Variants in RAD51B observed in about 807,000 individuals in gnomAD.
RAD51B encodes RAD51 paralog B.
A neutral mutation model predicts 42.2 loss-of-function variants in RAD51B; 38 were observed. The observed-to-expected ratio is 0.90, with a 90% confidence interval of 0.70 to 1.18. The LOEUF (loss-of-function observed/expected upper bound fraction) is 1.18, where lower values mean the gene tolerates loss of function less well. RAD51B is among the 50% of genes most tolerant of loss of function. The pLI is 0.00. For missense variants in RAD51B, 373 were observed against 400.7 expected, an observed-to-expected ratio of 0.93 and a Z score of 0.59; for synonymous variants, 154 against 145.2, an observed-to-expected ratio of 1.06 and a Z score of -0.43.
At chr14:68,381,376 T>TA (rs1388591794) in intron 8 of RAD51B, among the ~76,000 whole-genome samples, 5 of 152,094 alleles carry the variant, frequency 3.3e-5, no homozygotes, top group African/African-American at 4.8e-5. Flanking sequence ...GCATTTCTGT[T>TA]AAAAAAGCCA....
At chr14:67,942,806 TA>T (rs879824003) in intron 7 of RAD51B, among the ~76,000 whole-genome samples, 1 of 152,334 alleles carries the variant, frequency 6.6e-6, no homozygotes, top group Non-Finnish European at 1.5e-5. Context: ...GTTGCAATTA[TA>T]AAGTTCAGTG....
chr14:68,581,952 C>T (rs953082710), intron 10 of RAD51B, among the ~76,000 whole-genome samples: 2 of 152,182 alleles, frequency 1.3e-5, no homozygotes, highest in African/African-American at 4.8e-5. Flanking sequence ...ACTGGCTAGC[C>T]ATATGCAGAA....
intron 2 of RAD51B, among the ~76,000 whole-genome samples, chr14:67,825,078 CAAAAAAAAAAAAAAAAAA>C (rs56227529): frequency 1.6e-4 from 8 of 50,540 alleles, no homozygotes; most frequent in African/African-American, 5.4e-4. Flanking sequence ...ACTCTTGTCT[CAAAAAAAAAAAAAAAAAA>C]AAAAAAAAAA....
intron 9 of RAD51B, 109 bp from the exon 10 acceptor site, chr14:68,468,063 G>A: frequency 4.7e-6 from 4 of 843,218 alleles, no homozygotes; most frequent in Non-Finnish European, 5.9e-6. Context: ...AATAAGCCTT[G>A]TGACTTACAG....
intron 10 of RAD51B, among the ~76,000 whole-genome samples, chr14:68,582,979 G>A (rs978843429): frequency 6.6e-6 from 1 of 151,962 alleles, no homozygotes; most frequent in African/African-American, 2.4e-5. Context: ...GGAGGGGAAC[G>A]TCACACACCA....
intron 7 of RAD51B, among the ~76,000 whole-genome samples, chr14:68,246,473 A>G (rs2080502178): frequency 6.6e-6 from 1 of 152,148 alleles, no homozygotes; most frequent in South Asian, 2.1e-4. Context: ...TAAAGGAGAG[A>G]GAATCTGGGA....
rs891213483 is a variant in RAD51B at position 68,565,283 on chromosome 14, C to T, written c.1037-29202C>T. On this transcript the variant is annotated intron_variant, in intron 10 of 10. Transcript: ENST00000487270. The surrounding 1 kb of genome is among the most constrained non-coding windows in gnomAD (Gnocchi z 4.1). ...TGGACAGGGAGGCAGACAGGATGTG[C>T]TGCCTTATCAGGGCCCAATCTAAGG... Among the ~76,000 whole-genome samples, 1 of 152,200 alleles carries T rather than the reference C, an allele frequency of 6.6e-6. No homozygotes were observed. The highest frequency in any genetic ancestry group is 2.4e-5 in the African/African-American group (1 of 41,448).
At chr14:68,304,359 C>T (rs1246113209) in intron 8 of RAD51B, among the ~76,000 whole-genome samples, 4 of 152,132 alleles carry the variant, frequency 2.6e-5, no homozygotes, top group East Asian at 1.9e-4. Flanking sequence ...GAAGTATTTC[C>T]ATAACTTGCT....
At chr14:68,463,544 A>G (rs1282281233) in intron 9 of RAD51B, among the ~76,000 whole-genome samples, 2 of 152,216 alleles carry the variant, frequency 1.3e-5, no homozygotes, top group African/African-American at 4.8e-5. Flanking sequence ...TAGTGAAAGC[A>G]ATATGCATCT....
chr14:68,340,761 C>T (rs537095981), intron 8 of RAD51B, among the ~76,000 whole-genome samples: 1 of 152,348 alleles, frequency 6.6e-6, no homozygotes, highest in Admixed American at 6.5e-5. Context: ...TTTCCCTAGG[C>T]TCCTATACCA....
chr14:68,465,940 CAAAAA>C (rs59348577), intron 9 of RAD51B, among the ~76,000 whole-genome samples: 33 of 129,356 alleles, frequency 2.6e-4, no homozygotes, highest in African/African-American at 9.9e-4. Context: ...GACTCTGTCT[CAAAAA>C]AAAAAAAAAT....
chr14:68,604,832 A>G (rs1268081635), intron 10 of RAD51B, among the ~76,000 whole-genome samples: 1 of 112,798 alleles, frequency 8.9e-6, no homozygotes, highest in Non-Finnish European at 2.1e-5. Flanking sequence ...TCCCTGAGTG[A>G]GTGAATGAAT....
downstream of RAD51B, among the ~76,000 whole-genome samples, chr14:68,598,237 C>CAT (rs1891081452): frequency 3.3e-5 from 5 of 151,504 alleles, no homozygotes; most frequent in African/African-American, 1.2e-4. Flanking sequence ...CAACTCAAAC[C>CAT]TCATTCATTC....
chr14:67,864,547 A>T (rs958669051), intron 4 of RAD51B, among the ~76,000 whole-genome samples: 2 of 152,240 alleles, frequency 1.3e-5, no homozygotes, highest in African/African-American at 4.8e-5. Flanking sequence ...GTAGCCCTTA[A>T]TGGGACTAGT....
At chr14:68,442,984 C>T (rs1235629327) in intron 9 of RAD51B, among the ~76,000 whole-genome samples, 1 of 152,176 alleles carries the variant, frequency 6.6e-6, no homozygotes, top group Non-Finnish European at 1.5e-5. Flanking sequence ...GGGCCTCATG[C>T]AGTGCACTGC....
intron 10 of RAD51B, among the ~76,000 whole-genome samples, chr14:68,639,215 G>A (rs888673124): frequency 2.6e-5 from 4 of 152,206 alleles, no homozygotes; most frequent in African/African-American, 9.6e-5. Flanking sequence ...ATAGAGATTT[G>A]TTTCTTGCTC....
chr14:68,529,752 A>T (rs1887155352), intron 10 of RAD51B, among the ~76,000 whole-genome samples: 1 of 152,252 alleles, frequency 6.6e-6, no homozygotes, highest in African/African-American at 2.4e-5. Context: ...CAACACTAAG[A>T]AAACCAGTCA....
intron 10 of RAD51B, among the ~76,000 whole-genome samples, chr14:68,626,477 G>A (rs1892084931): frequency 6.6e-6 from 1 of 152,192 alleles, no homozygotes; most frequent in Non-Finnish European, 1.5e-5. Context: ...AGGATGTCTT[G>A]CAGTTGGAAC....
intron 7 of RAD51B, among the ~76,000 whole-genome samples, chr14:68,172,605 A>G (rs755004676): frequency 2.2e-4 from 34 of 152,180 alleles, no homozygotes; most frequent in African/African-American, 7.5e-4. Flanking sequence ...TTGAATTTCT[A>G]TATATTTAGA....
Sources: allele counts gnomAD v4.1 joint callset (sites outside exome capture counted in the v4.1 genomes callset), GRCh38; gene constraint gnomAD v4.1.1; non-coding constraint Gnocchi (gnomAD v3.1); transcripts MANE v1.5; gene names NCBI Gene and HGNC (gene_info 2026-07-23, HGNC 2026-07-21).